Variants in FOCAD observed in about 807,000 individuals in gnomAD.
FOCAD encodes focadhesin.
In FOCAD, 198 loss-of-function variants were observed where a neutral mutation model predicts 225.6. That is an observed-to-expected ratio of 0.88 (90% CI 0.78 to 0.99). The LOEUF is 0.99. FOCAD is among the 50% of genes least tolerant of loss of function. FOCAD has a pLI of 0.00. For synonymous variants in FOCAD, 897 were observed against 755.0 expected (o/e 1.19, Z -3.08); for missense variants, 2,713 against 2,123.6 (o/e 1.28, Z -5.46).
intron 15 of FOCAD, among the ~76,000 whole-genome samples, chr9:20,827,620 G>A (rs1344007973): frequency 2.0e-5 from 3 of 151,670 alleles, no homozygotes; most frequent in African/African-American, 7.3e-5. Context: ...ATTCTGATAA[G>A]TGAAATAAGA....
chr9:20,868,260 A>C (rs13289216), intron 18 of FOCAD, among the ~76,000 whole-genome samples: 1 of 152,012 alleles, frequency 6.6e-6, no homozygotes, highest in Non-Finnish European at 1.5e-5. Context: ...GGCACCTTTT[A>C]TTCTTGTTTT....
rs541562589 is a variant in FOCAD at position 20,769,396 on chromosome 9, C to G, written c.700-636C>G. Among the ~76,000 whole-genome samples, 7 of 152,308 alleles carry G rather than the reference C, an allele frequency of 4.6e-5. No individual in the cohort carries two copies. The South Asian group carries it at 1.5e-3, about 32-fold the overall frequency. On this transcript the variant is annotated intron_variant, in intron 7 of 43. Coordinates refer to ENST00000338382, the MANE Select transcript of FOCAD (RefSeq NM_001375567.1). ...ATGCCAATGTGTCTGTGAGCAGGAC[C>G]ATATCCTTAATACCAACTCCAGAAT...
chr9:20,820,325 T>C lies in FOCAD; in HGVS notation c.1562T>C (p.Val521Ala), dbSNP rs1824179558. The change falls in exon 13 of 44, where the codon GTG becomes GCG. Residue 521 changes from valine (V) to alanine (A), a missense_variant and splice_region_variant. Transcript: ENST00000338382. ...TAGAGTTTCTTCAATATTTTCTAGG[T>C]GTGTATAGGACAAATTCTACGAATA... ...YTLPKLGVHK[V>A]CIGQILRIIQ... 6.2e-7 allele frequency: 1 copy of C among 1,606,874 alleles called. No homozygotes were observed. Among genetic ancestry groups the C allele is most frequent in the Non-Finnish European group, 8.5e-7 (1 of 1,175,972 alleles).
chr9:20,784,133 C>T (rs2131129745), intron 10 of FOCAD, among the ~76,000 whole-genome samples: 1 of 152,244 alleles, frequency 6.6e-6, no homozygotes, highest in East Asian at 1.9e-4. Flanking sequence ...GCTGGGGTGC[C>T]ATAGGCTAGA....
intron 35 of FOCAD, chr9:20,957,744 CTGGCCTCAAGTTA>C (rs1302384229): frequency 2.2e-5 from 3 of 134,590 alleles, no homozygotes; most frequent in Non-Finnish European, 4.6e-5. Context: ...TCTTGAACTC[CTGGCCTCAAGTTA>C]TCTGCCCTCC....
At chr9:20,697,462 T>C (rs1052485916) in intron 1 of FOCAD, among the ~76,000 whole-genome samples, 18 of 152,198 alleles carry the variant, frequency 1.2e-4, no homozygotes, top group Non-Finnish European at 1.5e-4. Flanking sequence ...TTCTGTAATC[T>C]CTCACTGCCT....
intron 35 of FOCAD, among the ~76,000 whole-genome samples, chr9:20,964,743 C>T (rs1214380750): frequency 6.6e-6 from 1 of 152,176 alleles, no homozygotes; most frequent in African/African-American, 2.4e-5. Context: ...ACCATGTTGG[C>T]CAGGATGGTC....
At position 20,917,926 on chromosome 9, in the gene FOCAD, T is replaced by C. The variant is rs554423281; in HGVS notation, c.2852+989T>C. Among the ~76,000 whole-genome samples, 117 of 152,218 alleles carry C rather than the reference T, an allele frequency of 7.7e-4. 1 individual carries two copies. The highest frequency in any genetic ancestry group is 1.2e-3 in the Non-Finnish European group (82 of 68,016). ...CTCATGTCTTCTGGATAAAGAGAAA[T>C]AGAAGTGATAATCCTCCCCTGACTC... On this transcript the variant is annotated intron_variant, in intron 24 of 43. Transcript: ENST00000338382.
intron 5 of FOCAD, among the ~76,000 whole-genome samples, chr9:20,742,499 C>G (rs1291628243): frequency 6.6e-6 from 1 of 152,216 alleles, no homozygotes; most frequent in Non-Finnish European, 1.5e-5. Flanking sequence ...CATCGGCATA[C>G]CTGTGAACCT....
chr9:20,740,142 A>G, intron 4 of FOCAD, 94 bp from the exon 5 acceptor site: 4 of 777,020 alleles, frequency 5.1e-6, no homozygotes, highest in South Asian at 3.6e-5. Flanking sequence ...GTGGGTGGCA[A>G]GTATTAAAAT....
At chr9:20,695,866 A>G (rs1260181131) in intron 1 of FOCAD, among the ~76,000 whole-genome samples, 1 of 152,256 alleles carries the variant, frequency 6.6e-6, no homozygotes. Context: ...GCAGCTAAGC[A>G]CACACATTTT....
At chr9:20,725,046 G>A (rs1044033244) in intron 4 of FOCAD, among the ~76,000 whole-genome samples, 2 of 152,138 alleles carry the variant, frequency 1.3e-5, no homozygotes, top group Non-Finnish European at 2.9e-5. Context: ...GGTGACACAT[G>A]CCTATAGTCC....
intron 8 of FOCAD, among the ~76,000 whole-genome samples, chr9:20,772,753 G>T (rs549863800): frequency 6.6e-6 from 1 of 151,914 alleles, no homozygotes; most frequent in Non-Finnish European, 1.5e-5. Context: ...AGATTTTGAT[G>T]GAAGTTGGGA....
chr9:20,986,283 T>TTTTTTTTTTTTTTTTTTTTTTTTTG lies in FOCAD; in HGVS notation c.4729-5_4729-4insTTTTTTTTTTTTTTTTTTTTTTTTG. The TTTTTTTTTTTTTTTTTTTTTTTTTG allele has an allele frequency of 1.5e-5, 22 of 1,476,874 alleles. No individual in the cohort carries two copies. The highest frequency in any genetic ancestry group is 1.6e-5 in the Non-Finnish European group (18 of 1,113,542). The allele number at this position is 1,476,874 out of a possible 1,614,324, so 91.5% of individuals were successfully genotyped here. A position where few individuals can be genotyped will look rare whatever the true frequency, so the allele number is the denominator to read the frequency against. ...ACTAAACAATTTTTTTTTTTTTTTTTGCAGAGCAACATAGAAAAAGCTGCC... is the reference window on the plus strand; with the variant it reads ...ACTAAACAATTTTTTTTTTTTTTTTTTTTTTTTTTTTTTTTTTTTTTTTTGGCAGAGCAACATAGAAAAAGCTGCC... On this transcript the variant is annotated splice_polypyrimidine_tract_variant and splice_region_variant and intron_variant, in intron 39 of 43. Transcript: ENST00000338382.
At chr9:20,932,075 C>T (rs940959515) in intron 27 of FOCAD, among the ~76,000 whole-genome samples, 2 of 152,066 alleles carry the variant, frequency 1.3e-5, no homozygotes, top group Non-Finnish European at 2.9e-5. Flanking sequence ...CAAAAATGAT[C>T]TCTTTAACAT....
intron 17 of FOCAD, 63 bp downstream of exon 17, chr9:20,866,039 A>G: frequency 1.5e-6 from 2 of 1,342,848 alleles, no homozygotes; most frequent in Non-Finnish European, 2.1e-6. Context: ...TGACATTTGT[A>G]AAATAAGACT....
At chr9:20,925,691 C>A (rs546021449) in intron 25 of FOCAD, among the ~76,000 whole-genome samples, 61 of 152,164 alleles carry the variant, frequency 4.0e-4, no homozygotes, top group African/African-American at 1.2e-3. Context: ...CTTTAATAAC[C>A]AAGTTTTATT....
intron 10 of FOCAD, among the ~76,000 whole-genome samples, chr9:20,788,218 A>G (rs1820137835): frequency 6.6e-6 from 1 of 152,222 alleles, no homozygotes; most frequent in Admixed American, 6.5e-5. Flanking sequence ...GTCACAAAGG[A>G]CCACATATTA....
intron 7 of FOCAD, among the ~76,000 whole-genome samples, chr9:20,768,309 G>T (rs1192321413): frequency 1.3e-5 from 2 of 151,596 alleles, no homozygotes; most frequent in Non-Finnish European, 2.9e-5. Flanking sequence ...GGCGATGCGG[G>T]CTCTTTTTTG....
Sources: gnomAD v4.1 joint callset for allele counts (sites outside exome capture counted in the v4.1 genomes callset) on GRCh38, gnomAD v4.1.1 for gene constraint, MANE v1.5 for transcripts, NCBI Gene and HGNC (gene_info 2026-07-23, HGNC 2026-07-21) for gene names.